The following ADAMTS20 variants were observed in gnomAD, a reference collection of about 807,000 sequenced individuals.
The protein encoded by ADAMTS20 is A disintegrin and metalloproteinase with thrombospondin motifs 20.
Under a neutral mutation model 260.1 loss-of-function variants are expected in ADAMTS20, and 225 were observed. That is an observed-to-expected ratio of 0.87 (90% CI 0.78 to 0.97). ADAMTS20 has a LOEUF of 0.97. ADAMTS20 is among the 50% of genes least tolerant of loss of function. ADAMTS20 has a pLI of 0.00. For synonymous variants in ADAMTS20, 802 were observed against 769.5 expected (o/e 1.04, Z -0.70); for missense variants, 2,400 against 2,337.7 (o/e 1.03, Z -0.55).
At chr12:43,507,729 A>T (rs902706002) in intron 3 of ADAMTS20, among the ~76,000 whole-genome samples, 3 of 152,202 alleles carry the variant, frequency 2.0e-5, no homozygotes, top group Non-Finnish European at 4.4e-5. Context: ...CTGCCACATT[A>T]TTCATAATCC....
chr12:43,434,300 G>T lies in ADAMTS20; in HGVS notation c.2665C>A (p.His889Asn), dbSNP rs764634093. The T allele has an allele frequency of 1.2e-4, 198 of 1,592,808 alleles. No homozygotes were observed. The highest frequency in any genetic ancestry group is 1.6e-4 in the Non-Finnish European group (188 of 1,168,232). The change falls in exon 19 of 39, where the codon CAC becomes AAC. Residue 889 changes from histidine to asparagine, a missense_variant. Coordinates refer to ENST00000389420, the MANE Select transcript of ADAMTS20 (RefSeq NM_025003.5). ...HSVVSDKECD[H>N]LPLPSFVTQS... ...GTAACAAATGATGGAAGTGGCAAGT[G>T]GTCACATTCTTTATCAGACACAACA... is the stretch of plus-strand genomic sequence containing the variant.
intron 7 of ADAMTS20, among the ~76,000 whole-genome samples, chr12:43,479,249 G>A (rs932360192): frequency 6.6e-6 from 1 of 152,116 alleles, no homozygotes; most frequent in Non-Finnish European, 1.5e-5. Flanking sequence ...GTAACTAATT[G>A]TAAAATTATA....
intron 36 of ADAMTS20, among the ~76,000 whole-genome samples, chr12:43,371,023 G>A (rs775500341): frequency 3.3e-5 from 5 of 152,064 alleles, no homozygotes; most frequent in Non-Finnish European, 4.4e-5. Context: ...TTATTCCAAT[G>A]GTTCCTATAA....
chr12:43,400,362 A>G (rs1200517554), intron 28 of ADAMTS20, among the ~76,000 whole-genome samples: 1 of 152,024 alleles, frequency 6.6e-6, no homozygotes, highest in East Asian at 1.9e-4. Context: ...TTGATACTCA[A>G]ATACTTTAAA....
intron 11 of ADAMTS20, among the ~76,000 whole-genome samples, chr12:43,455,762 G>A (rs1391102003): frequency 6.7e-6 from 1 of 149,924 alleles, no homozygotes; most frequent in Non-Finnish European, 1.5e-5. Flanking sequence ...AGGCTAGAGT[G>A]CAGTGGCGTG....
At chr12:43,440,995 G>A (rs998117552) in intron 16 of ADAMTS20, among the ~76,000 whole-genome samples, 3 of 151,598 alleles carry the variant, frequency 2.0e-5, no homozygotes, top group Non-Finnish European at 4.4e-5. Context: ...AACCCGGGAG[G>A]CGGAGCTTGC....
rs977048831 is a variant in ADAMTS20, at chr12:43,401,669, T to C, written c.4285-2436A>G. ...AGTCTAATCCAGACTGTTATTGTCA[T>C]TGAACATAATTTAAACATAAATCTA... On this transcript the variant is annotated intron_variant, in intron 28 of 38. Transcript: ENST00000389420. Among the ~76,000 whole-genome samples, 6 of 151,758 alleles carry C rather than the reference T, an allele frequency of 4.0e-5. No individual in the cohort carries two copies. The East Asian group carries it at 7.7e-4, about 19-fold the overall frequency.
chr12:43,384,399 A>G (rs946432425), intron 29 of ADAMTS20, among the ~76,000 whole-genome samples: 2 of 152,146 alleles, frequency 1.3e-5, no homozygotes, highest in African/African-American at 4.8e-5. Flanking sequence ...TGTTATATTC[A>G]TCTTTTTATC....
chr12:43,452,213 C>G, intron 14 of ADAMTS20, 61 bp downstream of exon 14: 1 of 1,492,672 alleles, frequency 6.7e-7, no homozygotes, highest in Non-Finnish European at 9.0e-7. Flanking sequence ...TTATATAAAT[C>G]GAAAAAAAAC....
intron 21 of ADAMTS20, 60 bp downstream of exon 21, chr12:43,432,244 A>C: frequency 6.6e-7 from 1 of 1,520,858 alleles, no homozygotes. Flanking sequence ...AAAGTCTTAG[A>C]TTACAAAGCT....
chr12:43,433,821 G>A (rs1411597860), intron 19 of ADAMTS20: 1 of 478,434 alleles, frequency 2.1e-6, no homozygotes, highest in Non-Finnish European at 4.2e-6. Flanking sequence ...AAGTTTAATG[G>A]ACAAAATACT....
chr12:43,489,216 A>G (rs1414147981), intron 7 of ADAMTS20, among the ~76,000 whole-genome samples: 1 of 148,186 alleles, frequency 6.7e-6, no homozygotes, highest in African/African-American at 2.6e-5. Context: ...GAGTTACACA[A>G]TGGTTTCTTA....
At chr12:43,449,996 C>A (rs1214308511) in intron 14 of ADAMTS20, among the ~76,000 whole-genome samples, 5 of 152,128 alleles carry the variant, frequency 3.3e-5, no homozygotes, top group African/African-American at 9.6e-5. Context: ...AAATGTAATT[C>A]AAAGAGACTA....
At chr12:43,399,687 A>T (rs1189565748) in intron 28 of ADAMTS20, among the ~76,000 whole-genome samples, 1 of 152,178 alleles carries the variant, frequency 6.6e-6, no homozygotes, top group African/African-American at 2.4e-5. Flanking sequence ...CTCTCAGTGC[A>T]GAAAACTGAT....
chr12:43,358,471 A>C (rs1255561570), intron 37 of ADAMTS20, among the ~76,000 whole-genome samples: 1 of 152,240 alleles, frequency 6.6e-6, no homozygotes, highest in African/African-American at 2.4e-5. Context: ...ACTGGCAGAC[A>C]TGGTGTCAAG....
At chr12:43,395,686 T>C (rs887665689) in intron 29 of ADAMTS20, among the ~76,000 whole-genome samples, 6 of 148,074 alleles carry the variant, frequency 4.1e-5, no homozygotes, top group Admixed American at 1.3e-4. Context: ...TCTTTTTTTT[T>C]TTTTTTTTTT....
chr12:43,534,977 A>C (rs933572095), intron 2 of ADAMTS20, among the ~76,000 whole-genome samples: 1 of 151,842 alleles, frequency 6.6e-6, no homozygotes, highest in Non-Finnish European at 1.5e-5. Context: ...GCATCATCAC[A>C]CTCAGTCTGG....
intron 37 of ADAMTS20, among the ~76,000 whole-genome samples, chr12:43,358,707 C>G (rs1295961151): frequency 4.6e-5 from 7 of 150,792 alleles, no homozygotes; most frequent in South Asian, 2.1e-4. Flanking sequence ...CATGGTGGCG[C>G]GCGCCTGTAG....
intron 4 of ADAMTS20, among the ~76,000 whole-genome samples, chr12:43,495,931 C>A (rs566684999): frequency 6.6e-6 from 1 of 152,014 alleles, no homozygotes; most frequent in African/African-American, 2.4e-5. Flanking sequence ...ATACGTATAC[C>A]TTTAACTATA....
Sources: gnomAD v4.1 joint callset for allele counts (sites outside exome capture counted in the v4.1 genomes callset) on GRCh38, gnomAD v4.1.1 for gene constraint, MANE v1.5 for transcripts, NCBI Gene and HGNC (gene_info 2026-07-23, HGNC 2026-07-21) for gene names.